LRBA: variants seen among roughly 807,000 people sequenced by gnomAD.
LRBA encodes LPS responsive beige-like anchor protein, also known as lipopolysaccharide-responsive and beige-like anchor protein.
Under a neutral mutation model 330.0 loss-of-function variants are expected in LRBA, and 176 were observed. That is an observed-to-expected ratio of 0.53 (90% confidence interval 0.47 to 0.60). LRBA has a LOEUF of 0.60. Ranked by LOEUF, LRBA falls within the 20% of genes least tolerant of loss-of-function variation. The pLI is 0.00. For synonymous variants in LRBA, 1,230 were observed against 1,193.0 expected, an observed-to-expected ratio of 1.03 and a Z score of -0.64; for missense variants, 3,259 against 3,444.8, an observed-to-expected ratio of 0.95 and a Z score of 1.35.
At chr4:150,878,944 AAAG>A (rs1222254274) in intron 17 of LRBA, among the ~76,000 whole-genome samples, 1 of 151,890 alleles carries the variant, frequency 6.6e-6, no homozygotes, top group Non-Finnish European at 1.5e-5. Context: ...GCAGATATAC[AAAG>A]AAGAGGTGGT....
chr4:150,364,857 G>T (rs1739218662), intron 47 of LRBA, among the ~76,000 whole-genome samples: 1 of 151,898 alleles, frequency 6.6e-6, no homozygotes, highest in South Asian at 2.1e-4. Flanking sequence ...TATTGAGCTG[G>T]ATAAGAAATT....
At chr4:150,816,871 G>A (rs2126765235) in intron 31 of LRBA, among the ~76,000 whole-genome samples, 1 of 152,002 alleles carries the variant, frequency 6.6e-6, no homozygotes, top group Non-Finnish European at 1.5e-5. Flanking sequence ...ATTCATCCAT[G>A]CACTCATCTA....
chr4:150,993,970 C>A (rs943817888), intron 2 of LRBA, among the ~76,000 whole-genome samples: 1 of 150,286 alleles, frequency 6.7e-6, no homozygotes, highest in African/African-American at 2.5e-5. Flanking sequence ...TAGGCTAAGG[C>A]AGGAGAATTG....
chr4:150,401,799 C>A (rs1208049661), intron 47 of LRBA, among the ~76,000 whole-genome samples: 2 of 151,640 alleles, frequency 1.3e-5, no homozygotes, highest in Admixed American at 6.6e-5. Context: ...AGGTAAAAGA[C>A]CATGAAGTAT....
At chr4:150,647,587 C>T (rs2126752077) in intron 37 of LRBA, among the ~76,000 whole-genome samples, 1 of 151,924 alleles carries the variant, frequency 6.6e-6, no homozygotes, top group East Asian at 1.9e-4. Flanking sequence ...GTTGTAGAGA[C>T]AGGGTCTCCC....
chr4:150,459,911 TATTA>T (rs1478761239), intron 44 of LRBA, among the ~76,000 whole-genome samples: 2 of 151,982 alleles, frequency 1.3e-5, no homozygotes, highest in Non-Finnish European at 2.9e-5. Context: ...ATTTAAGATC[TATTA>T]TTTACTGTTG....
intron 40 of LRBA, among the ~76,000 whole-genome samples, chr4:150,530,360 A>C (rs1259146703): frequency 6.6e-6 from 1 of 152,200 alleles, no homozygotes; most frequent in East Asian, 1.9e-4. Flanking sequence ...ATGCCTAAAA[A>C]TAAGACTATC....
At chr4:150,291,955 C>T (rs916946058) in intron 53 of LRBA, among the ~76,000 whole-genome samples, 6 of 152,210 alleles carry the variant, frequency 3.9e-5, no homozygotes, top group Admixed American at 6.5e-5. Flanking sequence ...TCATCATTCT[C>T]AGTAAACTAT....
intron 40 of LRBA, among the ~76,000 whole-genome samples, chr4:150,578,419 A>C (rs1482546756): frequency 6.6e-6 from 1 of 152,152 alleles, no homozygotes; most frequent in African/African-American, 2.4e-5. Flanking sequence ...TTGAAAATAT[A>C]TTTGTATAAA....
At position 150,908,646 on chromosome 4, in the gene LRBA, A is replaced by T. The variant is rs747551096; in HGVS notation, c.1359+14T>A. 2 of 1,601,348 alleles carry T rather than the reference A, an allele frequency of 1.2e-6. No homozygotes were observed. Among genetic ancestry groups the T allele is most frequent in the Non-Finnish European group, 1.7e-6 (2 of 1,173,204 alleles). On this transcript the variant is annotated intron_variant, in intron 10 of 56. Coordinates refer to ENST00000651943, the MANE Select transcript of LRBA (RefSeq NM_001364905.1). ...TTACCATTATAAATGTTCTTAAAAG[A>T]TCACAGTTAGTACCTGGAGCATGAG...
At chr4:150,484,742 T>G (rs1351388123) in intron 42 of LRBA, among the ~76,000 whole-genome samples, 1 of 151,720 alleles carries the variant, frequency 6.6e-6, no homozygotes, top group Non-Finnish European at 1.5e-5. Flanking sequence ...CCTCTCCTCC[T>G]CCCCTCCCCC....
intron 34 of LRBA, among the ~76,000 whole-genome samples, chr4:150,775,805 G>GAAAAAAAAAAAAAAAAAAAAGAA (rs1737228910): frequency 1.7e-5 from 1 of 59,966 alleles, no homozygotes; most frequent in Non-Finnish European, 3.2e-5. Flanking sequence ...AAGAAAGAAT[G>GAAAAAAAAAAAAAAAAAAAAGAA]AAAAAAAAAA....
chr4:150,722,483 T>C (rs1048765778), intron 36 of LRBA, among the ~76,000 whole-genome samples: 1 of 152,114 alleles, frequency 6.6e-6, no homozygotes, highest in Non-Finnish European at 1.5e-5. Flanking sequence ...TAAACATGAA[T>C]GTTATAAATT....
intron 37 of LRBA, among the ~76,000 whole-genome samples, chr4:150,675,826 TA>T: frequency 6.6e-6 from 1 of 152,246 alleles, no homozygotes; most frequent in Middle Eastern, 3.4e-3. Context: ...ACATCACTAT[TA>T]TTATAATTAT....
intron 35 of LRBA, among the ~76,000 whole-genome samples, chr4:150,748,314 C>T (rs1349704033): frequency 6.6e-6 from 1 of 152,184 alleles, no homozygotes; most frequent in Non-Finnish European, 1.5e-5. Flanking sequence ...AATCCTATCA[C>T]AATTCATTCT....
At chr4:150,742,150 A>T (rs2407597) in intron 35 of LRBA, among the ~76,000 whole-genome samples, 137,641 of 145,128 alleles carry the variant, frequency 0.95, 65,423 homozygotes, top group Non-Finnish European at 0.98. Flanking sequence ...TATTATTATT[A>T]TTTTTTTTTT....
intron 22 of LRBA, among the ~76,000 whole-genome samples, chr4:150,858,374 T>C (rs907530121): frequency 2.7e-5 from 4 of 149,996 alleles, no homozygotes; most frequent in African/African-American, 7.3e-5. Context: ...TCTGTCTCTC[T>C]CTCTTTTTCT....
At chr4:150,690,270 G>A (rs902151460) in intron 36 of LRBA, among the ~76,000 whole-genome samples, 16 of 152,126 alleles carry the variant, frequency 1.1e-4, no homozygotes, top group African/African-American at 2.4e-4. Flanking sequence ...TTGGGAGGCC[G>A]AGGCAGGTAG....
At chr4:150,344,499 A>AT (rs1172593164) in intron 48 of LRBA, among the ~76,000 whole-genome samples, 2 of 152,206 alleles carry the variant, frequency 1.3e-5, no homozygotes, top group African/African-American at 2.4e-5. Context: ...CTAAACAAAC[A>AT]TATTAGTAAC....
Sources: allele counts gnomAD v4.1 joint callset (sites outside exome capture counted in the v4.1 genomes callset), GRCh38; gene constraint gnomAD v4.1.1; transcripts MANE v1.5; gene names NCBI Gene and HGNC (gene_info 2026-07-23, HGNC 2026-07-21).